Variants in ELAVL4 observed in about 807,000 individuals in gnomAD.
ELAVL4 encodes the protein ELAV-like protein 4.
ELAVL4 carries 1 observed loss-of-function variant against 35.6 expected under a neutral mutation model. The observed-to-expected ratio is 0.03, with a 90% CI of 0.01 to 0.13. The LOEUF (loss-of-function observed/expected upper bound fraction) is 0.13, where lower values mean the gene tolerates loss of function less well. Ranked by LOEUF, ELAVL4 falls within the 10% of genes least tolerant of loss-of-function variation. ELAVL4 has a pLI of 1.00. For missense variants in ELAVL4, 267 were observed against 464.9 expected, an observed-to-expected ratio of 0.57 and a Z score of 3.91; for synonymous variants, 156 against 171.0, an observed-to-expected ratio of 0.91 and a Z score of 0.69.
upstream of ELAVL4, chr1:50,106,347 T>G (rs75421517): frequency 1.1e-4 from 175 of 1,613,746 alleles, no homozygotes; most frequent in East Asian, 2.9e-3. Context: ...AGATTACTTC[T>G]TTTAAGGGAA....
chr1:50,184,553 A>C (rs1681543744), intron 3 of ELAVL4, among the ~76,000 whole-genome samples: 1 of 152,140 alleles, frequency 6.6e-6, no homozygotes, highest in Non-Finnish European at 1.5e-5. Flanking sequence ...AGATTGTCTA[A>C]AGGTGAATGA....
chr1:50,132,688 G>T (rs1405913525), intron 1 of ELAVL4, among the ~76,000 whole-genome samples: 1 of 152,142 alleles, frequency 6.6e-6, no homozygotes, highest in Non-Finnish European at 1.5e-5. Flanking sequence ...TGTGTCCAAG[G>T]AGAGATCCTA....
At chr1:50,145,943 C>G (rs1265259666) in intron 2 of ELAVL4, among the ~76,000 whole-genome samples, 1 of 152,120 alleles carries the variant, frequency 6.6e-6, no homozygotes, top group East Asian at 1.9e-4. Flanking sequence ...CACTATAATT[C>G]TTTGGGGGAA....
At chr1:50,136,579 C>T (rs888422482) in intron 1 of ELAVL4, among the ~76,000 whole-genome samples, 1 of 151,988 alleles carries the variant, frequency 6.6e-6, no homozygotes, top group African/African-American at 2.4e-5. Context: ...AAGAAAACAC[C>T]TTTACATACT....
chr1:50,136,832 C>T (rs1671965779), intron 1 of ELAVL4, among the ~76,000 whole-genome samples: 1 of 152,086 alleles, frequency 6.6e-6, no homozygotes, highest in Non-Finnish European at 1.5e-5. Context: ...CGCCAGAAAA[C>T]CAGGAGTTAA....
chr1:50,055,678 A>G (rs1036611630), intron 1 of ELAVL4, among the ~76,000 whole-genome samples: 16 of 152,008 alleles, frequency 1.1e-4, no homozygotes, highest in African/African-American at 3.6e-4. Context: ...TTGACCTTCA[A>G]AATTCTATAT....
intron 1 of ELAVL4, among the ~76,000 whole-genome samples, chr1:50,137,087 T>C (rs529396485): frequency 1.6e-4 from 24 of 152,330 alleles, no homozygotes; most frequent in Middle Eastern, 3.4e-3. Flanking sequence ...GACAGGGTTC[T>C]AAACCTTGCT....
At position 50,195,561 on chromosome 1, in the gene ELAVL4, G is replaced by C; in HGVS notation, c.509G>C (p.Gly170Ala). Reference sequence around the variant, plus strand: ...ACAAAGGCTCTTTCTCTTTCCCCAGGAGTGTCCAGAGGGGTGGGATTCATC... The same window carrying C: ...ACAAAGGCTCTTTCTCTTTCCCCAGCAGTGTCCAGAGGGGTGGGATTCATC... ...TSRILVDQVT[G>A]VSRGVGFIRF... The change falls in exon 5 of 7, where the codon GGA becomes GCA. Residue 170 changes from glycine (G) to alanine (A), a missense_variant and splice_region_variant. Gly to Ala is a moderately conservative substitution (Grantham distance 60). Transcript: ENST00000371824. 1 of 1,614,078 alleles carries C rather than the reference G, an allele frequency of 6.2e-7. No homozygotes were observed. The highest frequency in any genetic ancestry group is 8.5e-7 in the Non-Finnish European group (1 of 1,179,938).
chr1:50,053,024 A>G (rs959817794), intron 1 of ELAVL4, among the ~76,000 whole-genome samples: 9 of 152,212 alleles, frequency 5.9e-5, no homozygotes, highest in African/African-American at 2.2e-4. Flanking sequence ...TAGTATAATA[A>G]CAGAGTTTAC....
chr1:50,089,324 T>A (rs1198769719), intron 1 of ELAVL4, among the ~76,000 whole-genome samples: 1 of 152,226 alleles, frequency 6.6e-6, no homozygotes, highest in East Asian at 1.9e-4. Flanking sequence ...TGTAAGGCAT[T>A]GTTAACTTTA....
chr1:50,111,651 C>T (rs1667094412), intron 1 of ELAVL4, among the ~76,000 whole-genome samples: 1 of 152,168 alleles, frequency 6.6e-6, no homozygotes, highest in Middle Eastern at 3.2e-3. Flanking sequence ...CAGGCTTGCA[C>T]TCTCATAACC....
At chr1:50,108,265 T>C (rs1666519836), upstream of ELAVL4, among the ~76,000 whole-genome samples, 1 of 152,096 alleles carries the variant, frequency 6.6e-6, no homozygotes, top group Non-Finnish European at 1.5e-5. Context: ...TAGGAAATAG[T>C]TTTCTGAGAC....
Position 50,083,958 on chromosome 1 carries a change from C to T in ELAVL4, c.18+35776C>T, listed in dbSNP as rs1025482372. ...GAGTCTTTATTGTTAAAAGGTCCCT[C>T]ATAAATGTTGCATTCCCCTCATTGT... On this transcript the variant is annotated intron_variant, in intron 1 of 6. Coordinates refer to the ELAVL4 transcript ENST00000448907. Among the ~76,000 whole-genome samples the T allele has an allele frequency of 2.0e-5, 3 of 152,286 alleles. No individual in the cohort carries two copies. In the South Asian group the frequency reaches 6.2e-4, roughly 32 times the overall value.
intron 2 of ELAVL4, among the ~76,000 whole-genome samples, chr1:50,173,033 C>A (rs1283413480): frequency 3.9e-5 from 6 of 152,108 alleles, no homozygotes; most frequent in African/African-American, 4.8e-5. Flanking sequence ...TCCCCCTCTT[C>A]CCCCAAACTT....
intron 1 of ELAVL4, among the ~76,000 whole-genome samples, chr1:50,058,298 G>A (rs1301821402): frequency 6.6e-6 from 1 of 152,148 alleles, no homozygotes; most frequent in African/African-American, 2.4e-5. Flanking sequence ...TGTAAACACT[G>A]TCATTATAAC....
chr1:50,118,251 C>A (rs1179656470), intron 1 of ELAVL4, among the ~76,000 whole-genome samples: 2 of 152,010 alleles, frequency 1.3e-5, no homozygotes, highest in African/African-American at 4.8e-5. Context: ...CTCCTTTCCC[C>A]TTGTTTTCCC....
intron 2 of ELAVL4, among the ~76,000 whole-genome samples, chr1:50,169,338 C>A (rs539562962): frequency 6.6e-6 from 1 of 152,150 alleles, no homozygotes; most frequent in African/African-American, 2.4e-5. Context: ...AGGAGCAATA[C>A]TTTGTATCCT....
intron 1 of ELAVL4, among the ~76,000 whole-genome samples, chr1:50,119,682 T>G (rs964958323): frequency 6.6e-6 from 1 of 151,980 alleles, no homozygotes; most frequent in Non-Finnish European, 1.5e-5. Context: ...ACAGTATTCT[T>G]CCTGAACTAT....
intron 1 of ELAVL4, among the ~76,000 whole-genome samples, chr1:50,097,356 A>G (rs1665762726): frequency 6.6e-6 from 1 of 152,202 alleles, no homozygotes; most frequent in African/African-American, 2.4e-5. Context: ...GCATTATTAC[A>G]GTGTAAAGTC....
Sources: allele counts gnomAD v4.1 joint callset (sites outside exome capture counted in the v4.1 genomes callset), GRCh38; gene constraint gnomAD v4.1.1; transcripts MANE v1.5; gene names NCBI Gene and HGNC (gene_info 2026-07-23, HGNC 2026-07-21).